Variants in NCKAP5 observed in about 807,000 individuals in gnomAD.
The protein encoded by NCKAP5 is nck-associated protein 5.
In NCKAP5, 92 loss-of-function variants were observed where a neutral mutation model predicts 167.0. The observed-to-expected ratio is 0.55, with a 90% CI of 0.47 to 0.66. The LOEUF is 0.66. Ranked by LOEUF, NCKAP5 falls within the 30% of genes least tolerant of loss-of-function variation. NCKAP5 has a pLI of 0.00. For missense variants in NCKAP5, 2,378 were observed against 2,315.0 expected (o/e 1.03, Z -0.56); for synonymous variants, 891 against 877.4 (o/e 1.02, Z -0.27).
intron 19 of NCKAP5, among the ~76,000 whole-genome samples, chr2:132,688,468 G>C (rs1004829179): frequency 2.6e-5 from 4 of 152,156 alleles, no homozygotes; most frequent in Non-Finnish European, 4.4e-5. Context: ...ATCTGAATTA[G>C]TTAAACCAAG....
intron 8 of NCKAP5, chr2:132,930,325 G>A (rs890147311): frequency 6.6e-6 from 1 of 152,142 alleles, no homozygotes; most frequent in Non-Finnish European, 1.5e-5. Flanking sequence ...AGGATGCCCA[G>A]AAAGGTGGTA....
intron 19 of NCKAP5, chr2:132,714,851 C>A (rs537512988): frequency 2.2e-6 from 1 of 453,704 alleles, no homozygotes; most frequent in East Asian, 7.0e-5. Context: ...ACACAGCCAG[C>A]GCTGAAACCC....
chr2:132,750,977 CT>C (rs1304186956), intron 16 of NCKAP5, among the ~76,000 whole-genome samples: 1 of 152,204 alleles, frequency 6.6e-6, no homozygotes, highest in Non-Finnish European at 1.5e-5. Flanking sequence ...TTTGTGACAG[CT>C]ACATCTGCTT....
chr2:132,916,079 G>A (rs560894568), intron 8 of NCKAP5, among the ~76,000 whole-genome samples: 4 of 152,106 alleles, frequency 2.6e-5, no homozygotes, highest in African/African-American at 9.6e-5. Flanking sequence ...AGACCTCAGT[G>A]AGCAGAGGCA....
chr2:133,589,771 A>G, the NCKAP5 span, among the ~76,000 whole-genome samples: 5 of 152,246 alleles, frequency 3.3e-5, no homozygotes, highest in Non-Finnish European at 5.9e-5. Context: ...TCTTTCATCC[A>G]ATAAATATTT....
At chr2:132,769,809 T>C (rs1681863459) in intron 16 of NCKAP5, among the ~76,000 whole-genome samples, 1 of 152,216 alleles carries the variant, frequency 6.6e-6, no homozygotes, top group Non-Finnish European at 1.5e-5. Flanking sequence ...ACTCTAGTGA[T>C]GTTTTTAGCC....
chr2:133,286,288 G>A lies in NCKAP5; in HGVS notation c.143+16749C>T, dbSNP rs190201298. 6.3e-3 allele frequency among the ~76,000 whole-genome samples: 958 copies of A among 152,222 alleles called. 5 individuals carry two copies. The highest frequency in any genetic ancestry group is 0.01 in the Middle Eastern group (3 of 294). ...TGGGATTACAGGCGTGAGACACCAC[G>A]CCCGGCCTCTTCTGTGACTTCTTAA... On this transcript the variant is annotated intron_variant, in intron 4 of 19. Coordinates refer to ENST00000409261, the MANE Select transcript of NCKAP5 (RefSeq NM_207363.3).
intron 6 of NCKAP5, among the ~76,000 whole-genome samples, chr2:133,109,779 C>T (rs140594288): frequency 2.4e-4 from 36 of 150,166 alleles, no homozygotes; most frequent in African/African-American, 8.1e-4. Flanking sequence ...AAAAAACTTA[C>T]GTAAAACCAA....
chr2:133,158,482 A>G (rs759552454), intron 5 of NCKAP5, among the ~76,000 whole-genome samples: 5 of 152,196 alleles, frequency 3.3e-5, no homozygotes, highest in Non-Finnish European at 7.3e-5. Context: ...GCATTCATTC[A>G]CTTGCTTGTT....
chr2:132,693,388 A>C (rs781636430), intron 19 of NCKAP5, among the ~76,000 whole-genome samples: 55 of 152,162 alleles, frequency 3.6e-4, no homozygotes, highest in Admixed American at 1.3e-4. Flanking sequence ...ACAGGAAGAC[A>C]TGCACGGAGG....
intron 3 of NCKAP5, chr2:133,433,544 T>A (rs1690291325): frequency 1.3e-5 from 2 of 152,198 alleles, no homozygotes; most frequent in African/African-American, 4.8e-5. Flanking sequence ...GAAGAATTAG[T>A]GAGTTATTTT....
intron 16 of NCKAP5, among the ~76,000 whole-genome samples, chr2:132,746,628 T>A (rs749349357): frequency 9.9e-5 from 15 of 152,158 alleles, no homozygotes; most frequent in Non-Finnish European, 1.5e-5. Flanking sequence ...ACAGCTATAA[T>A]ACTCTTACTG....
At chr2:132,734,900 C>T (rs566861068) in intron 16 of NCKAP5, among the ~76,000 whole-genome samples, 2 of 152,338 alleles carry the variant, frequency 1.3e-5, no homozygotes, top group African/African-American at 4.8e-5. Context: ...ATTCAGGCAG[C>T]CACGTGAGCA....
chr2:133,268,904 C>G (rs2089378712), intron 4 of NCKAP5: 1 of 152,088 alleles, frequency 6.6e-6, no homozygotes, highest in Non-Finnish European at 1.5e-5. Flanking sequence ...CAAAAAGGGT[C>G]CTCTCTTACA....
At chr2:133,614,825 G>A in the NCKAP5 span, among the ~76,000 whole-genome samples, 13 of 151,878 alleles carry the variant, frequency 8.6e-5, no homozygotes, top group South Asian at 2.5e-3. Context: ...CTCGAGAAGA[G>A]CAACTCCAAG....
chr2:133,077,625 T>C (rs958022698), intron 6 of NCKAP5, among the ~76,000 whole-genome samples: 1 of 152,180 alleles, frequency 6.6e-6, no homozygotes, highest in African/African-American at 2.4e-5. Flanking sequence ...GTAATGTAAT[T>C]GTATCCTTCG....
At chr2:133,112,510 C>T (rs572847565) in intron 6 of NCKAP5, among the ~76,000 whole-genome samples, 3 of 152,030 alleles carry the variant, frequency 2.0e-5, no homozygotes, top group Admixed American at 6.5e-5. Flanking sequence ...TGGTTAACTA[C>T]AAGGACTACA....
chr2:132,828,941 C>T (rs1173075318), intron 11 of NCKAP5, among the ~76,000 whole-genome samples: 1 of 152,162 alleles, frequency 6.6e-6, no homozygotes, highest in African/African-American at 2.4e-5. Context: ...AGTATCCTCT[C>T]ACCTTGGTTT....
chr2:133,073,036 G>T (rs2080472344), intron 6 of NCKAP5, among the ~76,000 whole-genome samples: 1 of 152,012 alleles, frequency 6.6e-6, no homozygotes, highest in South Asian at 2.1e-4. Flanking sequence ...ACTTGGGGAG[G>T]GTCAGACCTC....
Sources: allele counts gnomAD v4.1 joint callset (sites outside exome capture counted in the v4.1 genomes callset), GRCh38; gene constraint gnomAD v4.1.1; transcripts MANE v1.5; gene names NCBI Gene and HGNC (gene_info 2026-07-23, HGNC 2026-07-21).